The following IGF2BP3 variants were observed in gnomAD, a reference collection of about 807,000 sequenced individuals.
IGF2BP3 encodes insulin like growth factor 2 mRNA binding protein 3, also known as insulin-like growth factor 2 mRNA-binding protein 3.
A neutral mutation model predicts 73.8 loss-of-function variants in IGF2BP3; 9 were observed. That is an observed-to-expected ratio of 0.12 (90% CI 0.07 to 0.21). IGF2BP3 has a LOEUF of 0.21. Among genes scored for constraint, IGF2BP3 ranks in the 10% least tolerant of loss-of-function variants. The probability of loss-of-function intolerance (pLI) is 1.00; values close to 1 mark genes in which losing one functional copy is unlikely to be tolerated. For synonymous variants in IGF2BP3, 258 were observed against 256.7 expected, an observed-to-expected ratio of 1.01 and a Z score of -0.05; for missense variants, 542 against 714.0, an observed-to-expected ratio of 0.76 and a Z score of 2.75.
At chr7:23,347,115 A>C (rs976651409) in intron 7 of IGF2BP3, among the ~76,000 whole-genome samples, 2 of 152,076 alleles carry the variant, frequency 1.3e-5, no homozygotes, top group Non-Finnish European at 2.9e-5. Context: ...CCCAACCTTC[A>C]CTCAAAGTTC....
At chr7:23,361,454 C>G (rs1261229805) in intron 5 of IGF2BP3, 80 bp downstream of exon 5, 3 of 1,139,854 alleles carry the variant, frequency 2.6e-6, no homozygotes, top group Non-Finnish European at 3.9e-6. Flanking sequence ...ACCAGCCCTT[C>G]TCAGTTGAGA....
chr7:23,330,721 C>T (rs1784423490), intron 10 of IGF2BP3, among the ~76,000 whole-genome samples: 1 of 151,140 alleles, frequency 6.6e-6, no homozygotes, highest in Non-Finnish European at 1.5e-5. Flanking sequence ...TGGAATTACT[C>T]AGGTAGTTCT....
chr7:23,418,655 A>G (rs1787260026), intron 3 of IGF2BP3, 121 bp downstream of exon 3: 2 of 639,380 alleles, frequency 3.1e-6, no homozygotes, highest in Non-Finnish European at 5.5e-6. Flanking sequence ...CACGGGTCAT[A>G]GGAGAAGAAT....
intron 3 of IGF2BP3, among the ~76,000 whole-genome samples, chr7:23,368,343 A>AAAAGAAAGAAAGAAAGAAAGAAAGAAAG (rs58687904): frequency 7.3e-6 from 1 of 137,924 alleles, no homozygotes; most frequent in Non-Finnish European, 1.5e-5. Context: ...AAGAAAGAAA[A>AAAAGAAAGAAAGAAAGAAAGAAAGAAAG]AAAGAAAGAA....
intron 12 of IGF2BP3, among the ~76,000 whole-genome samples, 154 bp downstream of exon 12, chr7:23,317,485 G>A (rs936606465): frequency 6.6e-5 from 10 of 152,168 alleles, no homozygotes; most frequent in Non-Finnish European, 1.2e-4. Context: ...GGTTAATTTC[G>A]AAATATAATT....
chr7:23,399,816 T>C (rs1024233779), intron 3 of IGF2BP3, among the ~76,000 whole-genome samples: 1 of 152,134 alleles, frequency 6.6e-6, no homozygotes, highest in Non-Finnish European at 1.5e-5. Context: ...GGTCGGTAGA[T>C]GGGGGGTTCA....
At chr7:23,403,360 T>C (rs1234415597) in intron 3 of IGF2BP3, among the ~76,000 whole-genome samples, 1 of 152,240 alleles carries the variant, frequency 6.6e-6, no homozygotes, top group African/African-American at 2.4e-5. Context: ...TAAGTATTTA[T>C]GTACTAAATT....
At chr7:23,384,109 AAAAAAAAGAAT>A (rs1416890908) in intron 3 of IGF2BP3, among the ~76,000 whole-genome samples, 3 of 151,582 alleles carry the variant, frequency 2.0e-5, no homozygotes, top group Admixed American at 6.6e-5. Flanking sequence ...AAAAAAAAAA[AAAAAAAAGAAT>A]AAAAGTCTGG....
chr7:23,366,988 C>CTTT lies in IGF2BP3; in HGVS notation c.286-5250_286-5248dup, dbSNP rs397942338. Reference sequence around the variant, plus strand: ...ACACTTGGTAAGTTCTCACATTTTGCTTTTTTTTTTTTTTTTTTTTTAAAG... The same window carrying CTTT: ...ACACTTGGTAAGTTCTCACATTTTGCTTTTTTTTTTTTTTTTTTTTTTTTAAAG... On this transcript the variant is annotated intron_variant, in intron 3 of 14. Transcript: ENST00000258729. Among the ~76,000 whole-genome samples the CTTT allele has an allele frequency of 1.3e-3, 154 of 116,134 alleles. 1 individual carries two copies. The highest frequency in any genetic ancestry group is 4.0e-3 in the African/African-American group (122 of 30,468). The allele number at this position is 116,134 out of a possible 152,430, so 76.2% of individuals were successfully genotyped here.
intron 2 of IGF2BP3, among the ~76,000 whole-genome samples, chr7:23,444,302 A>G (rs1314083128): frequency 6.6e-6 from 1 of 152,194 alleles, no homozygotes; most frequent in Non-Finnish European, 1.5e-5. Flanking sequence ...ATTAATGACA[A>G]GATGTTTAAA....
intron 13 of IGF2BP3, 93 bp from the exon 14 acceptor site, chr7:23,312,941 G>A (rs1473100921): frequency 4.3e-6 from 3 of 701,974 alleles, no homozygotes; most frequent in Non-Finnish European, 7.2e-6. Flanking sequence ...GCTATGTATG[G>A]CTTTACAAAT....
intron 2 of IGF2BP3, among the ~76,000 whole-genome samples, chr7:23,461,287 G>T (rs1414181001): frequency 6.6e-6 from 1 of 151,950 alleles, no homozygotes; most frequent in Non-Finnish European, 1.5e-5. Flanking sequence ...CATAGGCTCA[G>T]TCCCTTGATG....
intron 2 of IGF2BP3, among the ~76,000 whole-genome samples, chr7:23,446,059 T>C (rs1038992454): frequency 9.2e-5 from 14 of 152,316 alleles, no homozygotes; most frequent in Admixed American, 3.9e-4. Flanking sequence ...GGACATTAGA[T>C]GGTCATAATC....
chr7:23,320,908 C>T (rs1784119957), intron 10 of IGF2BP3, among the ~76,000 whole-genome samples: 1 of 141,552 alleles, frequency 7.1e-6, no homozygotes, highest in East Asian at 2.0e-4. Context: ...TGAGATCACA[C>T]CACTGCTCTC....
At chr7:23,368,347 G>GAAAGAAAGAAAA (rs1785445568) in intron 3 of IGF2BP3, among the ~76,000 whole-genome samples, 2 of 110,676 alleles carry the variant, frequency 1.8e-5, no homozygotes, top group African/African-American at 3.5e-5. Context: ...AAGAAAAAAA[G>GAAAGAAAGAAAA]AAAGAAAGAA....
chr7:23,326,117 G>C (rs1583886918), intron 10 of IGF2BP3, among the ~76,000 whole-genome samples: 1 of 152,226 alleles, frequency 6.6e-6, no homozygotes, highest in South Asian at 2.1e-4. Context: ...ACTACCATCA[G>C]AGTGAACAGG....
intron 3 of IGF2BP3, among the ~76,000 whole-genome samples, chr7:23,385,162 TC>T (rs1407204775): frequency 6.6e-6 from 1 of 152,172 alleles, no homozygotes; most frequent in Non-Finnish European, 1.5e-5. Context: ...CCTTTTTGCC[TC>T]CCTTTATGAA....
At chr7:23,382,206 A>G (rs1304926754) in intron 3 of IGF2BP3, among the ~76,000 whole-genome samples, 6 of 152,132 alleles carry the variant, frequency 3.9e-5, no homozygotes, top group African/African-American at 1.4e-4. Context: ...TGGTTGCAGC[A>G]CTGTACTCCT....
rs1412568251 is a variant in IGF2BP3 at position 23,435,331 on chromosome 7, T to G, written c.237-16507A>C. Among the ~76,000 whole-genome samples the G allele has an allele frequency of 2.2e-5, 3 of 136,386 alleles. No homozygotes were observed. The Admixed American group carries it at 2.3e-4, about 11-fold the overall frequency. 89.5% of individuals were successfully genotyped at this position (136,386 alleles called of 152,430 possible). A position where few individuals can be genotyped will look rare whatever the true frequency, so the allele number is the denominator to read the frequency against. On this transcript the variant is annotated intron_variant, in intron 2 of 14. Coordinates refer to ENST00000258729, the MANE Select transcript of IGF2BP3 (RefSeq NM_006547.3). Reference sequence around the variant, plus strand: ...AAAAAAAAAAAAAAAATCCTGAAAATGATGAAGTCTCTAGCCCTATCATGT... The same window carrying G: ...AAAAAAAAAAAAAAAATCCTGAAAAGGATGAAGTCTCTAGCCCTATCATGT...
Sources: allele counts gnomAD v4.1 joint callset (sites outside exome capture counted in the v4.1 genomes callset), GRCh38; gene constraint gnomAD v4.1.1; transcripts MANE v1.5; gene names NCBI Gene and HGNC (gene_info 2026-07-23, HGNC 2026-07-21).